PPIL2: variants seen among roughly 807,000 people sequenced by gnomAD.
PPIL2 encodes RING-type E3 ubiquitin-protein ligase PPIL2.
PPIL2 carries 50 observed loss-of-function variants against 75.2 expected under a neutral mutation model. That is an observed-to-expected ratio of 0.66 (90% CI 0.53 to 0.84). The LOEUF (loss-of-function observed/expected upper bound fraction) is 0.84. Ranked by LOEUF, PPIL2 falls within the 40% of genes least tolerant of loss-of-function variation. PPIL2 has a pLI of 0.00. For missense variants in PPIL2, 590 were observed against 685.0 expected (o/e 0.86, Z 1.55); for synonymous variants, 245 against 258.8 (o/e 0.95, Z 0.51).
chr22:21,692,421 T>C lies in PPIL2; in HGVS notation c.1140-1395T>C, dbSNP rs191210670. Among the ~76,000 whole-genome samples, 591 of 152,014 alleles carry C rather than the reference T, an allele frequency of 3.9e-3. 4 individuals carry two copies. The highest frequency in any genetic ancestry group is 0.014 in the African/African-American group (572 of 41,520). On this transcript the variant is annotated intron_variant, in intron 15 of 19. Coordinates refer to ENST00000398831, the MANE Select transcript of PPIL2 (RefSeq NM_014337.4). ...CGCCCACCTTGGCCTCCCAAAGTGC[T>C]GGGATTACAGGCGTGAGCCACTGTG...
At chr22:21,681,156 CT>C (rs1339562598) in intron 6 of PPIL2, 142 bp from the exon 7 acceptor site, 12 of 673,820 alleles carry the variant, frequency 1.8e-5, no homozygotes, top group Admixed American at 2.3e-5. Flanking sequence ...CCATGGTTCC[CT>C]GCTCTGGCAG....
chr22:21,683,044 G>T, intron 8 of PPIL2, 138 bp from the exon 9 acceptor site: 1 of 770,036 alleles, frequency 1.3e-6, no homozygotes, highest in Non-Finnish European at 2.3e-6. Context: ...CCTCCCTCAT[G>T]CCCTGCTTGA....
chr22:21,683,451 G>C (rs1319450172), intron 9 of PPIL2, among the ~76,000 whole-genome samples, 194 bp downstream of exon 9: 1 of 152,198 alleles, frequency 6.6e-6, no homozygotes, highest in East Asian at 1.9e-4. Context: ...TAGACTTGCT[G>C]CCCTGCCAGC....
intron 10 of PPIL2, chr22:21,685,689 G>A (rs953157233): frequency 1.3e-5 from 6 of 452,836 alleles, no homozygotes; most frequent in Non-Finnish European, 2.7e-5. Context: ...TCAAGTGAGA[G>A]CCTCCTGCCT....
At chr22:21,683,907 A>C (rs2067232129) in intron 9 of PPIL2, among the ~76,000 whole-genome samples, 1 of 152,170 alleles carries the variant, frequency 6.6e-6, no homozygotes, top group Non-Finnish European at 1.5e-5. Flanking sequence ...AATAACCTTT[A>C]AAATTACAGA....
downstream of PPIL2, chr22:21,699,652 T>A (rs767821537): frequency 1.3e-5 from 2 of 152,782 alleles, no homozygotes; most frequent in Non-Finnish European, 2.9e-5. Flanking sequence ...TTTAACCTTT[T>A]CTGAACAAAT....
At chr22:21,681,448 C>A in intron 7 of PPIL2, 58 bp downstream of exon 7, 3 of 1,443,750 alleles carry the variant, frequency 2.1e-6, no homozygotes, top group Admixed American at 1.7e-5. Context: ...CTGTGTGTTC[C>A]TAGTATACAC....
At chr22:21,694,079 G>A (rs1255752153) in intron 16 of PPIL2, among the ~76,000 whole-genome samples, 1 of 152,212 alleles carries the variant, frequency 6.6e-6, no homozygotes, top group Non-Finnish European at 1.5e-5. Flanking sequence ...CCGGGCTCAG[G>A]AGAGGAGGAA....
At chr22:21,699,850 T>C (rs2068046925), downstream of PPIL2, 1 of 152,630 alleles carries the variant, frequency 6.6e-6, no homozygotes, top group Non-Finnish European at 1.5e-5. Context: ...ACACCTAAGC[T>C]GCTGTCACTG....
chr22:21,688,067 T>C lies in PPIL2; in HGVS notation c.988-6T>C, dbSNP rs1447290363. 5 of 1,614,198 alleles carry C rather than the reference T, an allele frequency of 3.1e-6. No homozygotes were observed. The highest frequency in any genetic ancestry group is 2.2e-5 in the East Asian group (1 of 44,888). ...GTGACTTGCTCACTGGCTTTTGTTT[T>C]CACAGATCCAAGGGGGCGACCCCAC... On this transcript the variant is annotated splice_region_variant and splice_polypyrimidine_tract_variant and intron_variant, in intron 13 of 19. Transcript: ENST00000398831.
At chr22:21,687,979 G>A in intron 13 of PPIL2, 94 bp from the exon 14 acceptor site, 1 of 1,504,624 alleles carries the variant, frequency 6.6e-7, no homozygotes, top group South Asian at 1.1e-5. Context: ...GCCCCTGTGT[G>A]GAGCCATCTG....
At chr22:21,690,433 G>A (rs2067571902) in intron 15 of PPIL2, among the ~76,000 whole-genome samples, 1 of 151,826 alleles carries the variant, frequency 6.6e-6, no homozygotes, top group Non-Finnish European at 1.5e-5. Flanking sequence ...GCTGGGCAAA[G>A]GCAGCTGGCA....
chr22:21,692,450 G>C (rs895134043), intron 15 of PPIL2, among the ~76,000 whole-genome samples: 1 of 151,648 alleles, frequency 6.6e-6, no homozygotes, highest in Non-Finnish European at 1.5e-5. Context: ...CACTGTGCCT[G>C]GCCAATCCTG....
rs748939098 is a variant in PPIL2, at chr22:21,672,322, C to G, written c.192-8C>G. 1.2e-6 allele frequency: 2 copies of G among 1,609,828 alleles called. No homozygotes were observed. Among genetic ancestry groups the G allele is most frequent in the Admixed American group, 3.3e-5 (2 of 60,014 alleles). On this transcript the variant is annotated splice_region_variant and splice_polypyrimidine_tract_variant and intron_variant, in intron 4 of 19. Coordinates refer to ENST00000398831, the MANE Select transcript of PPIL2 (RefSeq NM_014337.4). ...CTGGTGATGCTTTCTGTTCTGTCTTCCCTTCAGGAACATTGTTCCATGGCT... is the reference window on the plus strand; with the variant it reads ...CTGGTGATGCTTTCTGTTCTGTCTTGCCTTCAGGAACATTGTTCCATGGCT...
At chr22:21,688,628 G>A in intron 14 of PPIL2, 104 bp from the exon 15 acceptor site, 1 of 1,099,038 alleles carries the variant, frequency 9.1e-7, no homozygotes, top group Non-Finnish European at 1.4e-6. Context: ...CCTGCCCCAG[G>A]CTGGGCTCAG....
chr22:21,696,602 T>G lies in PPIL2; in HGVS notation c.*1112T>G, dbSNP rs1390889494. The G allele has an allele frequency of 2.0e-6, 3 of 1,473,752 alleles. No homozygotes were observed. The highest frequency in any genetic ancestry group is 3.6e-4 in the Middle Eastern group (2 of 5,612). The allele number at this position is 1,473,752 out of a possible 1,614,324, so 91.3% of individuals were successfully genotyped here. A position where few individuals can be genotyped will look rare whatever the true frequency, so the allele number is the denominator to read the frequency against. ...GCCAGTGGTCAGTGTTCTCATGTCA[T>G]GGACTCTCCTTGCCTGACACTTGCC... On this transcript the variant is annotated 3_prime_UTR_variant, in exon 20 of 20. Coordinates refer to ENST00000398831, the MANE Select transcript of PPIL2 (RefSeq NM_014337.4).
chr22:21,690,934 T>C (rs1352761659), intron 15 of PPIL2, among the ~76,000 whole-genome samples: 1 of 151,282 alleles, frequency 6.6e-6, no homozygotes. Context: ...GTGAAACTGC[T>C]GACAGATCAG....
chr22:21,692,503 G>A (rs1367823346), intron 15 of PPIL2, among the ~76,000 whole-genome samples: 4 of 151,798 alleles, frequency 2.6e-5, no homozygotes, highest in African/African-American at 4.9e-5. Context: ...GGTCTGTTGC[G>A]TTCTATGATC....
intron 6 of PPIL2, among the ~76,000 whole-genome samples, chr22:21,677,686 GGGGAGCGGGAGC>G (rs150099912): frequency 1.1e-4 from 8 of 74,902 alleles, no homozygotes; most frequent in Admixed American, 2.8e-4. Flanking sequence ...GGGAGACCCT[GGGGAGCGGGAGC>G]GGGAGAGGGA....
Sources: gnomAD v4.1 joint callset for allele counts (sites outside exome capture counted in the v4.1 genomes callset) on GRCh38, gnomAD v4.1.1 for gene constraint, MANE v1.5 for transcripts, NCBI Gene and HGNC (gene_info 2026-07-23, HGNC 2026-07-21) for gene names.